Variants in MAP1B observed in about 807,000 individuals in gnomAD.
MAP1B encodes microtubule-associated protein 1B.
Under a neutral mutation model 176.1 loss-of-function variants are expected in MAP1B, and 12 were observed. The ratio of observed to expected loss-of-function variants is 0.07; its 90% CI spans 0.04 to 0.11. The LOEUF is 0.11. Ranked by LOEUF, MAP1B falls within the 10% of genes least tolerant of loss-of-function variation. The pLI is 1.00. For synonymous variants in MAP1B, 1,044 were observed against 1,135.0 expected (o/e 0.92, Z 1.61); for missense variants, 2,523 against 2,990.5 (o/e 0.84, Z 3.65).
Position 72,200,157 on chromosome 5 carries a change from T to C in MAP1B, c.6802T>C (p.Leu2268=). 1 of 1,614,238 alleles carries C rather than the reference T, an allele frequency of 6.2e-7. No individual in the cohort carries two copies. The highest frequency in any genetic ancestry group is 1.7e-5 in the Admixed American group (1 of 60,028). The part of the protein sequence containing the change: ...VKKSDGKSKP[L]AASPKPAGLK... ...AAAGAGTGATGGGAAGTCTAAGCCC[T>C]TGGCAGCTTCACCAAAACCAGCGGG... Residue 2268 remains leucine, a synonymous_variant, in exon 5 of 7, where the codon TTG becomes CTG. Coordinates refer to ENST00000296755, the MANE Select transcript of MAP1B (RefSeq NM_005909.5).
Position 72,194,443 on chromosome 5 carries a change from A to G in MAP1B, c.1088A>G (p.Glu363Gly). The change falls in exon 5 of 7, where the codon GAA (glutamate) becomes GGA (glycine). Residue 363 changes from glutamate to glycine, a missense_variant. Glu to Gly is a moderately conservative substitution (Grantham distance 98). Coordinates refer to ENST00000296755, the MANE Select transcript of MAP1B (RefSeq NM_005909.5). This position sits in a 1 kb window ranked among gnomAD's most constrained non-coding sequence, Gnocchi z 7.2. ...DLGVVFLNVP[E>G]NLKNPEPNIK... ...GGAGTTGTATTTCTCAATGTACCTG[A>G]AAATCTCAAAAATCCAGAGCCAAAC... 1 of 1,614,040 alleles carries G rather than the reference A, an allele frequency of 6.2e-7. No individual in the cohort carries two copies. Among genetic ancestry groups the G allele is most frequent in the Non-Finnish European group, 8.5e-7 (1 of 1,180,022 alleles).
chr5:72,176,457 A>T (rs1746656139), intron 2 of MAP1B, among the ~76,000 whole-genome samples: 1 of 152,184 alleles, frequency 6.6e-6, no homozygotes, highest in Admixed American at 6.5e-5. Context: ...AAGTCAGTAA[A>T]CCTCAGCTCT....
At chr5:72,170,537 C>T (rs748777532) in intron 2 of MAP1B, among the ~76,000 whole-genome samples, 16 of 146,344 alleles carry the variant, frequency 1.1e-4, no homozygotes, top group Non-Finnish European at 2.3e-4. Context: ...TTAAATTTCT[C>T]CTCCTTCTGC....
In MAP1B at chr5:72,195,597, G is replaced by A; in HGVS notation, c.2242G>A (p.Glu748Lys). The A allele has an allele frequency of 6.2e-7, 1 of 1,614,188 alleles. No individual in the cohort carries two copies. The highest frequency in any genetic ancestry group is 1.3e-5 in the African/African-American group (1 of 75,042). Residue 748 changes from glutamate (E) to lysine (K), a missense_variant, in exon 5 of 7, where the codon GAA becomes AAA. This residue lies in a region of MAP1B where 1,925 missense variants were observed against 2,126.0 expected (regional missense o/e 0.91). Coordinates refer to ENST00000296755, the MANE Select transcript of MAP1B (RefSeq NM_005909.5). ...AAAGAAATCATCTACTCCTCTGTCT[G>A]AAGCAAAAAAACCAGCTGCTTTAAA... ...DAKKSSTPLSEAKKPAALKPK... is the reference protein window; with the variant it reads ...DAKKSSTPLSKAKKPAALKPK...
intron 4 of MAP1B, among the ~76,000 whole-genome samples, chr5:72,187,832 C>G (rs1189819941): frequency 6.6e-6 from 1 of 152,202 alleles, no homozygotes; most frequent in Non-Finnish European, 1.5e-5. Context: ...TAATAATGTT[C>G]ACTCTCCAGC....
chr5:72,115,238 G>A (rs972673365), intron 1 of MAP1B, among the ~76,000 whole-genome samples: 2 of 152,146 alleles, frequency 1.3e-5, no homozygotes, highest in African/African-American at 2.4e-5. Context: ...ACAAAGGCCC[G>A]TGCTTGAATG....
chr5:72,203,910 T>G, intron 6 of MAP1B, 109 bp downstream of exon 6: 3 of 888,606 alleles, frequency 3.4e-6, no homozygotes, highest in South Asian at 3.2e-5. Context: ...TGGATCCACA[T>G]GAGGTGCCTC....
At position 72,198,728 on chromosome 5, in the gene MAP1B, G is replaced by A; in HGVS notation, c.5373G>A (p.Glu1791=). The A allele has an allele frequency of 1.9e-6, 3 of 1,614,156 alleles. No individual in the cohort carries two copies. The highest frequency in any genetic ancestry group is 2.5e-6 in the Non-Finnish European group (3 of 1,180,024). ...KSDISPLTPR[E]SSPLYSPTFS... ...ATATCTCTCCACTCACCCCACGAGA[G>A]TCCTCTCCTTTATATTCACCTACTT... The change falls in exon 5 of 7, where the codon GAG becomes GAA. Residue 1791 remains glutamate (E), a synonymous_variant. Coordinates refer to ENST00000296755, the MANE Select transcript of MAP1B (RefSeq NM_005909.5).
rs1212783148 is a variant in MAP1B at position 72,186,898 on chromosome 5, CT to C, written c.510+147del. ...AAGCAAAACTGCATGATCCAAAATA[CT>C]TTATTTCTATGGCTCATTGCCAAAA... On this transcript the variant is annotated intron_variant, in intron 4 of 6. Transcript: ENST00000296755. This position sits in a 1 kb window ranked among gnomAD's most constrained non-coding sequence, Gnocchi z 4.3. 4 of 919,444 alleles carry C rather than the reference CT, an allele frequency of 4.4e-6. No homozygotes were observed. Among genetic ancestry groups the C allele is most frequent in the Non-Finnish European group, 6.6e-6 (4 of 606,192 alleles). The allele number at this position is 919,444 out of a possible 1,614,324, so 57.0% of individuals were successfully genotyped here.
intron 2 of MAP1B, among the ~76,000 whole-genome samples, chr5:72,144,500 C>G (rs1364521549): frequency 6.6e-6 from 1 of 152,110 alleles, no homozygotes; most frequent in Non-Finnish European, 1.5e-5. Context: ...CTCAAGAGAT[C>G]CTCCCTCCTT....
intron 2 of MAP1B, among the ~76,000 whole-genome samples, chr5:72,152,463 AT>A (rs1378528157): frequency 1.3e-5 from 2 of 152,146 alleles, no homozygotes; most frequent in South Asian, 4.1e-4. Flanking sequence ...ATTTTATTTT[AT>A]TAGACAGAGT....
At chr5:72,114,388 A>G (rs745372284) in intron 1 of MAP1B, among the ~76,000 whole-genome samples, 1 of 152,218 alleles carries the variant, frequency 6.6e-6, no homozygotes, top group Non-Finnish European at 1.5e-5. Context: ...AATGTCCAAC[A>G]AAAATGATTA....
At position 72,183,849 on chromosome 5, in the gene MAP1B, C is replaced by G. The variant is rs1486337433; in HGVS notation, c.369+24C>G. On this transcript the variant is annotated intron_variant, in intron 3 of 6. Coordinates refer to ENST00000296755, the MANE Select transcript of MAP1B (RefSeq NM_005909.5). ...AGGTAAGCATTCAGCTCTGTAGAAT[C>G]TGGGGCCGGGCCCCACACACTGGAT... 9 of 1,607,356 alleles carry G rather than the reference C, an allele frequency of 5.6e-6. No homozygotes were observed. The South Asian group carries it at 8.8e-5, about 16-fold the overall frequency.
chr5:72,170,760 G>A (rs1746520276), intron 2 of MAP1B, among the ~76,000 whole-genome samples: 1 of 152,076 alleles, frequency 6.6e-6, no homozygotes, highest in Admixed American at 6.5e-5. Context: ...AGGAGTTCGA[G>A]ACCAGTGAAA....
chr5:72,117,722 G>A (rs551331072), intron 2 of MAP1B, among the ~76,000 whole-genome samples: 7 of 152,304 alleles, frequency 4.6e-5, no homozygotes, highest in African/African-American at 1.7e-4. Context: ...TTGGCCTTTG[G>A]ACACACAGCA....
At chr5:72,202,995 A>G (rs1747363403) in intron 5 of MAP1B, among the ~76,000 whole-genome samples, 1 of 152,200 alleles carries the variant, frequency 6.6e-6, no homozygotes, top group South Asian at 2.1e-4. Flanking sequence ...TCAGTTTATG[A>G]ATGAGATGGA....
chr5:72,195,949 A>G lies in MAP1B; in HGVS notation c.2594A>G (p.Glu865Gly), dbSNP rs1254712649. The G allele has an allele frequency of 2.5e-6, 4 of 1,614,118 alleles. No individual in the cohort carries two copies. The African/African-American group carries it at 5.3e-5, about 22-fold the overall frequency. ...KPQLELIEDE[E>G]KLKETEPVEA... is the part of the protein sequence containing the mutation. ...CAGCTGGAGCTAATCGAAGACGAAGAGAAACTGAAGGAAACTGAGCCAGTC... is the reference window on the plus strand; with the variant it reads ...CAGCTGGAGCTAATCGAAGACGAAGGGAAACTGAAGGAAACTGAGCCAGTC... The change falls in exon 5 of 7, where the codon GAG becomes GGG. Residue 865 changes from glutamate (E) to glycine (G), a missense_variant. This residue lies in a region of MAP1B where 1,925 missense variants were observed against 2,126.0 expected (regional missense o/e 0.91). Coordinates refer to ENST00000296755, the MANE Select transcript of MAP1B (RefSeq NM_005909.5).
At chr5:72,201,395 G>C (rs545661015) in intron 5 of MAP1B, among the ~76,000 whole-genome samples, 40 of 152,244 alleles carry the variant, frequency 2.6e-4, no homozygotes, top group African/African-American at 9.6e-4. Context: ...AAATAAATAA[G>C]CAAATGAAAT....
intron 2 of MAP1B, 96 bp from the exon 3 acceptor site, chr5:72,183,647 G>C (rs1746829776): frequency 1.2e-6 from 1 of 819,540 alleles, no homozygotes; most frequent in South Asian, 1.5e-5. Context: ...CCACGTCGGA[G>C]GCAGAAATTC....
Sources: allele counts gnomAD v4.1 joint callset (sites outside exome capture counted in the v4.1 genomes callset), GRCh38; gene constraint gnomAD v4.1.1; regional missense constraint gnomAD v4.1.1; non-coding constraint Gnocchi (gnomAD v3.1); transcripts MANE v1.5; gene names NCBI Gene and HGNC (gene_info 2026-07-23, HGNC 2026-07-21).